The following ANKRD42 variants were observed in gnomAD, a reference collection of about 807,000 sequenced individuals.
ANKRD42 encodes the protein ankyrin repeat domain-containing protein 42.
Under a neutral mutation model 51.5 loss-of-function variants are expected in ANKRD42, and 43 were observed. The observed-to-expected ratio is 0.83, with a 90% CI of 0.65 to 1.08. ANKRD42 has a LOEUF of 1.08. Ranked by LOEUF, ANKRD42 falls within the 50% of genes least tolerant of loss-of-function variation. The probability of loss-of-function intolerance (pLI) is 0.00; values close to 1 mark genes in which losing one functional copy is unlikely to be tolerated. For synonymous variants in ANKRD42, 203 were observed against 213.0 expected, an observed-to-expected ratio of 0.95 and a Z score of 0.41; for missense variants, 608 against 629.3, an observed-to-expected ratio of 0.97 and a Z score of 0.36.
intron 3 of ANKRD42, chr11:83,209,268 A>G: frequency 1.6e-6 from 1 of 634,536 alleles, no homozygotes. Context: ...AGAATGTAAA[A>G]TCAATATTAT....
chr11:83,247,852 C>A, intron 10 of ANKRD42, 91 bp from the exon 11 acceptor site: 2 of 1,121,882 alleles, frequency 1.8e-6, no homozygotes, highest in East Asian at 2.5e-5. Flanking sequence ...TTTTATTTGC[C>A]TTAAATACAA....
chr11:83,213,662 G>T, intron 5 of ANKRD42: 1 of 770,830 alleles, frequency 1.3e-6, no homozygotes, highest in Non-Finnish European at 1.7e-6. Context: ...ACGTTTAAAG[G>T]CTATTTGGTT....
At chr11:83,240,983 C>A (rs748117013) in intron 9 of ANKRD42, 49 bp downstream of exon 9, 1 of 1,541,346 alleles carries the variant, frequency 6.5e-7, no homozygotes, top group Admixed American at 2.1e-5. Context: ...AATACCACAG[C>A]CACTTTTTAC....
intron 9 of ANKRD42, among the ~76,000 whole-genome samples, chr11:83,244,949 G>C (rs1033245000): frequency 6.6e-6 from 1 of 151,866 alleles, no homozygotes; most frequent in Non-Finnish European, 1.5e-5. Context: ...CTGTTGTCCA[G>C]GCTGGAGTGC....
intron 3 of ANKRD42, among the ~76,000 whole-genome samples, chr11:83,208,212 T>TTGG (rs1380788542): frequency 1.3e-5 from 2 of 150,616 alleles, no homozygotes; most frequent in African/African-American, 5.0e-5. Context: ...GAGATGTCTG[T>TTGG]GGGAGGGGGG....
At chr11:83,216,061 C>T (rs1272437982) in intron 5 of ANKRD42, among the ~76,000 whole-genome samples, 1 of 152,228 alleles carries the variant, frequency 6.6e-6, no homozygotes, top group African/African-American at 2.4e-5. Context: ...ACCCAAAGTG[C>T]TGGGATTACA....
Position 83,248,112 on chromosome 11 carries a change from A to AT in ANKRD42, c.1497dup (p.Leu500SerfsTer26). The stretch of plus-strand genomic sequence containing the variant: ...GGTTGGTGTCCTTTTTAATACATTT[A>AT]TTTTTCTCAAGAAGTATATACAAGA... On this transcript the variant is annotated frameshift_variant, in exon 11 of 11. Coordinates refer to ENST00000533342, the MANE Select transcript of ANKRD42 (RefSeq NM_001300975.2). LOFTEE classifies it low-confidence loss of function (END_TRUNC). 1 of 1,549,382 alleles carries AT rather than the reference A, an allele frequency of 6.5e-7. No individual in the cohort carries two copies.
At chr11:83,263,013 T>C (rs577819099), downstream of ANKRD42, among the ~76,000 whole-genome samples, 55 of 152,268 alleles carry the variant, frequency 3.6e-4, no homozygotes, top group South Asian at 1.7e-3. Flanking sequence ...ACAGATGAGG[T>C]AATACACCCA....
rs1420146688 is a variant in ANKRD42 at position 83,224,982 on chromosome 11, G to A, written c.714G>A (p.Arg238=). The A allele has an allele frequency of 6.2e-7, 1 of 1,613,718 alleles. No homozygotes were observed. The highest frequency in any genetic ancestry group is 2.2e-5 in the East Asian group (1 of 44,870). The change falls in exon 6 of 11, where the codon AGG becomes AGA. Residue 238 remains arginine (R), a synonymous_variant. Transcript: ENST00000533342. ...AAAATGTACTGGATTTGGCCCAGAG[G>A]TTCTTCAAGCAGAACATTTTACAGT... ...NGENVLDLAQ[R]FFKQNILQFI...
At chr11:83,236,722 C>T (rs183351037) in intron 8 of ANKRD42, among the ~76,000 whole-genome samples, 65 of 152,226 alleles carry the variant, frequency 4.3e-4, no homozygotes, top group Non-Finnish European at 7.5e-4. Context: ...AATATTTTCC[C>T]GTTTCCTCAT....
downstream of ANKRD42, among the ~76,000 whole-genome samples, chr11:83,252,851 T>C (rs1863698782): frequency 6.6e-6 from 1 of 151,486 alleles, no homozygotes; most frequent in Non-Finnish European, 1.5e-5. Flanking sequence ...ATAATATATA[T>C]TTAGATATAT....
At chr11:83,256,384 C>T (rs1863775365), downstream of ANKRD42, among the ~76,000 whole-genome samples, 1 of 152,036 alleles carries the variant, frequency 6.6e-6, no homozygotes, top group Admixed American at 6.6e-5. Context: ...TAACTGCAAG[C>T]TTTTTAAGAA....
At chr11:83,225,630 A>G (rs1278395665) in intron 6 of ANKRD42, among the ~76,000 whole-genome samples, 2 of 151,772 alleles carry the variant, frequency 1.3e-5, no homozygotes, top group African/African-American at 4.8e-5. Flanking sequence ...AATAAAATAT[A>G]GAGGCCAGAT....
intron 9 of ANKRD42, among the ~76,000 whole-genome samples, chr11:83,244,667 G>A (rs1293275072): frequency 6.6e-6 from 1 of 152,078 alleles, no homozygotes; most frequent in East Asian, 1.9e-4. Flanking sequence ...ATGACCCTTG[G>A]CAGAGAACCA....
At chr11:83,220,915 GATATTT>G (rs59999786) in intron 5 of ANKRD42, among the ~76,000 whole-genome samples, 67,663 of 151,358 alleles carry the variant, frequency 0.45, 15,641 homozygotes, top group African/African-American at 0.58. Flanking sequence ...ACTATTTCTG[GATATTT>G]ATATTTATCT....
At chr11:83,263,175 A>C (rs1365553753), downstream of ANKRD42, among the ~76,000 whole-genome samples, 1 of 152,168 alleles carries the variant, frequency 6.6e-6, no homozygotes, top group African/African-American at 2.4e-5. Context: ...TCTGTCATTT[A>C]TTTGAGTCAC....
chr11:83,262,333 A>C (rs1480010631), downstream of ANKRD42, among the ~76,000 whole-genome samples: 1 of 152,186 alleles, frequency 6.6e-6, no homozygotes, highest in Non-Finnish European at 1.5e-5. Flanking sequence ...TTAGGCTAGT[A>C]AAATATACAT....
At chr11:83,200,028 A>T (rs1188533059) in intron 2 of ANKRD42, among the ~76,000 whole-genome samples, 1 of 151,472 alleles carries the variant, frequency 6.6e-6, no homozygotes, top group Non-Finnish European at 1.5e-5. Context: ...ATCTGTTTGT[A>T]GTTTGAGTTA....
At chr11:83,234,929 A>G (rs1863182762) in intron 7 of ANKRD42, among the ~76,000 whole-genome samples, 1 of 152,186 alleles carries the variant, frequency 6.6e-6, no homozygotes, top group South Asian at 2.1e-4. Flanking sequence ...GTAGGACTGT[A>G]GTGATAGGGT....
Sources: gnomAD v4.1 joint callset for allele counts (sites outside exome capture counted in the v4.1 genomes callset) on GRCh38, gnomAD v4.1.1 for gene constraint, MANE v1.5 for transcripts, NCBI Gene and HGNC (gene_info 2026-07-23, HGNC 2026-07-21) for gene names.